SND1: variants seen among roughly 807,000 people sequenced by gnomAD.
SND1 encodes staphylococcal nuclease and tudor domain containing 1.
Under a neutral mutation model 121.7 loss-of-function variants are expected in SND1, and 38 were observed. That is an observed-to-expected ratio of 0.31 (90% CI 0.24 to 0.41). The LOEUF (loss-of-function observed/expected upper bound fraction) is 0.41, where lower values mean the gene tolerates loss of function less well. Ranked by LOEUF, SND1 falls within the 10% of genes least tolerant of loss-of-function variation. SND1 has a pLI of 1.00. For synonymous variants in SND1, 401 were observed against 447.4 expected (o/e 0.90, Z 1.31); for missense variants, 868 against 1,184.6 (o/e 0.73, Z 3.92).
intron 15 of SND1, among the ~76,000 whole-genome samples, chr7:127,937,449 TCTCC>T (rs1801085312): frequency 6.6e-6 from 1 of 151,782 alleles, no homozygotes; most frequent in African/African-American, 2.4e-5. Flanking sequence ...TCCCAACCCT[TCTCC>T]CTTCTCCTCT....
At chr7:128,053,304 A>G (rs902775825) in intron 16 of SND1, among the ~76,000 whole-genome samples, 1 of 152,216 alleles carries the variant, frequency 6.6e-6, no homozygotes, top group Non-Finnish European at 1.5e-5. Flanking sequence ...TGAAACTTCA[A>G]GAAGCCCCTC....
At chr7:127,664,052 C>T (rs895508010) in intron 1 of SND1, among the ~76,000 whole-genome samples, 3 of 152,112 alleles carry the variant, frequency 2.0e-5, no homozygotes, top group Non-Finnish European at 2.9e-5. Flanking sequence ...TTTTTCGAGA[C>T]AAGGTCTCTG....
intron 15 of SND1, among the ~76,000 whole-genome samples, chr7:127,975,710 G>A (rs1219569655): frequency 6.6e-6 from 1 of 152,194 alleles, no homozygotes. Context: ...TGGAAGACAT[G>A]TGAAGGGTGT....
chr7:128,087,166 A>G, intron 21 of SND1, 115 bp downstream of exon 21: 2 of 739,970 alleles, frequency 2.7e-6, no homozygotes, highest in African/African-American at 3.5e-5. Flanking sequence ...TCTTAGTAAT[A>G]GTACTCAAGA....
chr7:127,920,370 C>G (rs906813209), intron 14 of SND1, among the ~76,000 whole-genome samples: 2 of 152,080 alleles, frequency 1.3e-5, no homozygotes, highest in Admixed American at 6.6e-5. Context: ...GAGTCTTGGT[C>G]AAGGGGAATC....
intron 14 of SND1, among the ~76,000 whole-genome samples, chr7:127,916,255 A>G (rs1320279557): frequency 6.6e-6 from 1 of 152,132 alleles, no homozygotes; most frequent in Non-Finnish European, 1.5e-5. Flanking sequence ...CTATTTTGGT[A>G]TAAGAACTGG....
intron 13 of SND1, among the ~76,000 whole-genome samples, chr7:127,897,763 T>C (rs1229517261): frequency 1.3e-5 from 2 of 152,276 alleles, no homozygotes; most frequent in East Asian, 3.9e-4. Context: ...AGGGGATTGA[T>C]TAAAATTTTG....
rs145331938 is a variant in SND1 at position 127,686,734 on chromosome 7, A to C, written c.200A>C (p.Gln67Pro). The change falls in exon 2 of 24, where the codon CAA becomes CCA. Residue 67 changes from glutamine to proline, a missense_variant. By Grantham distance (76) the Gln-to-Pro change is moderately conservative. This residue lies in a region of SND1 where 125 missense variants were observed against 113.3 expected (regional missense o/e 1.10). Transcript: ENST00000354725. Reference sequence around the variant, plus strand: ...CTTGCTCGCCGGGCAGCCGCCACACAACCTGATGCAAAGGATACCCCTGAT... The same window carrying C: ...CTTGCTCGCCGGGCAGCCGCCACACCACCTGATGCAAAGGATACCCCTGAT... ...GNLARRAAAT[Q>P]PDAKDTPDEP... 1,297 of 1,614,182 alleles carry C rather than the reference A, an allele frequency of 8.0e-4. 3 individuals carry two copies. Among genetic ancestry groups the C allele is most frequent in the Non-Finnish European group, 1.1e-3 (1,240 of 1,180,016 alleles).
chr7:128,070,041 C>T (rs1017825857), intron 16 of SND1, among the ~76,000 whole-genome samples: 4 of 152,234 alleles, frequency 2.6e-5, no homozygotes, highest in Non-Finnish European at 5.9e-5. Flanking sequence ...GCATCAAGAG[C>T]AGAGAGCAAG....
chr7:128,083,938 A>G (rs1793647745), intron 18 of SND1, among the ~76,000 whole-genome samples: 1 of 152,196 alleles, frequency 6.6e-6, no homozygotes. Context: ...AGGCAAAAGC[A>G]GCAAATAAGC....
chr7:128,006,243 C>CGT (rs904325963), intron 16 of SND1, among the ~76,000 whole-genome samples: 6 of 151,610 alleles, frequency 4.0e-5, no homozygotes, highest in Non-Finnish European at 5.9e-5. Flanking sequence ...TGCGTGCGTG[C>CGT]GTGTGTGTGT....
Position 128,062,923 on chromosome 7 carries a change from G to A in SND1, c.1780-11579G>A, listed in dbSNP as rs575458162. Reference sequence around the variant, plus strand: ...AGAGGGCTCGAGACCAGCACCTGGCGGGTGACTTGTAGCTTCCAGCCGTCT... The same window carrying A: ...AGAGGGCTCGAGACCAGCACCTGGCAGGTGACTTGTAGCTTCCAGCCGTCT... On this transcript the variant is annotated intron_variant, in intron 16 of 23. Coordinates refer to ENST00000354725, the MANE Select transcript of SND1 (RefSeq NM_014390.4). 2.6e-5 allele frequency among the ~76,000 whole-genome samples: 4 copies of A among 152,284 alleles called. No individual in the cohort carries two copies. In the South Asian group the frequency reaches 6.2e-4, roughly 24 times the overall value.
chr7:127,902,191 G>A (rs1405999627), intron 13 of SND1, among the ~76,000 whole-genome samples: 1 of 152,156 alleles, frequency 6.6e-6, no homozygotes, highest in African/African-American at 2.4e-5. Flanking sequence ...TAGTACATGA[G>A]ATGTTCTCCA....
At chr7:127,851,021 C>T (rs1000084324) in intron 12 of SND1, among the ~76,000 whole-genome samples, 2 of 152,114 alleles carry the variant, frequency 1.3e-5, no homozygotes, top group African/African-American at 2.4e-5. Flanking sequence ...TCAGATATTT[C>T]GTGGCTGGCT....
chr7:128,016,930 G>A (rs976290313), intron 16 of SND1, among the ~76,000 whole-genome samples: 1 of 152,198 alleles, frequency 6.6e-6, no homozygotes, highest in Non-Finnish European at 1.5e-5. Context: ...TGGACAGAGG[G>A]TCAGCTATAG....
intron 13 of SND1, among the ~76,000 whole-genome samples, chr7:127,903,184 A>T (rs1360837525): frequency 1.3e-5 from 2 of 150,902 alleles, no homozygotes; most frequent in Non-Finnish European, 3.0e-5. Context: ...ACCCAGCCCG[A>T]TTTTTTTTTA....
chr7:127,902,602 AG>A (rs1455269250), intron 13 of SND1, among the ~76,000 whole-genome samples: 3 of 152,238 alleles, frequency 2.0e-5, no homozygotes, highest in Non-Finnish European at 4.4e-5. Flanking sequence ...CAAATCCCAA[AG>A]GGTGAGTGGC....
chr7:128,087,609 G>A (rs375176169), intron 21 of SND1, among the ~76,000 whole-genome samples: 19 of 150,138 alleles, frequency 1.3e-4, no homozygotes, highest in African/African-American at 4.5e-4. Flanking sequence ...CAAGAAGAAT[G>A]AGAAGGAGCG....
At chr7:127,757,988 G>T (rs997876441) in intron 10 of SND1, among the ~76,000 whole-genome samples, 1 of 152,176 alleles carries the variant, frequency 6.6e-6, no homozygotes, top group African/African-American at 2.4e-5. Flanking sequence ...TGGAATATAA[G>T]TATCAATATA....
Sources: allele counts gnomAD v4.1 joint callset (sites outside exome capture counted in the v4.1 genomes callset), GRCh38; gene constraint gnomAD v4.1.1; regional missense constraint gnomAD v4.1.1; transcripts MANE v1.5; gene names NCBI Gene and HGNC (gene_info 2026-07-23, HGNC 2026-07-21).